Variants in THADA observed in about 807,000 individuals in gnomAD.
The protein encoded by THADA is tRNA (32-2'-O)-methyltransferase regulator THADA.
A neutral mutation model predicts 219.8 loss-of-function variants in THADA; 213 were observed. That is an observed-to-expected ratio of 0.97 (90% CI 0.87 to 1.09). The LOEUF is 1.09. Among genes scored for constraint, THADA ranks in the 50% least tolerant of loss-of-function variants. THADA has a pLI of 0.00. For missense variants in THADA, 2,956 were observed against 2,311.3 expected (o/e 1.28, Z -5.72); for synonymous variants, 1,018 against 828.9 (o/e 1.23, Z -3.92).
intron 29 of THADA, among the ~76,000 whole-genome samples, chr2:43,377,241 A>G (rs950648935): frequency 2.0e-5 from 3 of 152,164 alleles, no homozygotes; most frequent in African/African-American, 7.2e-5. Flanking sequence ...TCCTACTTGA[A>G]TAATTAATAT....
At chr2:43,504,418 C>G (rs1689397612) in intron 24 of THADA, among the ~76,000 whole-genome samples, 1 of 152,126 alleles carries the variant, frequency 6.6e-6, no homozygotes, top group African/African-American at 2.4e-5. Flanking sequence ...ATCCAATAAA[C>G]ATAAAATCCC....
At chr2:43,358,695 G>T (rs1669147285) in intron 29 of THADA, among the ~76,000 whole-genome samples, 1 of 152,182 alleles carries the variant, frequency 6.6e-6, no homozygotes, top group African/African-American at 2.4e-5. Context: ...GCCCAGTGAA[G>T]GGGTTTGAGG....
At chr2:43,547,658 C>T (rs569432028) in intron 20 of THADA, among the ~76,000 whole-genome samples, 20 of 152,310 alleles carry the variant, frequency 1.3e-4, no homozygotes, top group African/African-American at 2.6e-4. Context: ...TGGATTGCAT[C>T]GGCTCCTGAG....
At chr2:43,310,235 C>CCA (rs1677356467) in intron 31 of THADA, among the ~76,000 whole-genome samples, 1 of 126,446 alleles carries the variant, frequency 7.9e-6, no homozygotes, top group Non-Finnish European at 1.7e-5. Flanking sequence ...CGCCCCCCCC[C>CCA]CAAACAAGCT....
intron 36 of THADA, among the ~76,000 whole-genome samples, chr2:43,234,293 C>A (rs1247751166): frequency 6.6e-6 from 1 of 152,188 alleles, no homozygotes; most frequent in East Asian, 1.9e-4. Flanking sequence ...AGTGACCCTG[C>A]AGTAGGGCCA....
intron 21 of THADA, among the ~76,000 whole-genome samples, chr2:43,528,845 C>T (rs972727016): frequency 3.2e-4 from 48 of 151,566 alleles, no homozygotes; most frequent in African/African-American, 1.0e-3. Context: ...CATTGTAACC[C>T]TTTTTAAATG....
chr2:43,512,237 T>A (rs147873310), intron 22 of THADA, among the ~76,000 whole-genome samples: 27 of 152,274 alleles, frequency 1.8e-4, no homozygotes, highest in Admixed American at 4.6e-4. Context: ...AACCTTCTTA[T>A]TCTGCTCTGG....
chr2:43,286,171 G>A (rs1254413213), intron 35 of THADA, among the ~76,000 whole-genome samples: 4 of 152,142 alleles, frequency 2.6e-5, no homozygotes, highest in Non-Finnish European at 5.9e-5. Flanking sequence ...GTCAAGCAGT[G>A]GTTTGTTTAA....
At chr2:43,318,274 C>G (rs1206461066) in intron 31 of THADA, among the ~76,000 whole-genome samples, 2 of 151,952 alleles carry the variant, frequency 1.3e-5, no homozygotes, top group African/African-American at 4.8e-5. Flanking sequence ...CTTCTGGCCT[C>G]AAGCAATCCT....
At chr2:43,276,324 A>T (rs1196322559) in intron 36 of THADA, among the ~76,000 whole-genome samples, 1 of 152,152 alleles carries the variant, frequency 6.6e-6, no homozygotes, top group African/African-American at 2.4e-5. Flanking sequence ...AGTTGTTAAC[A>T]GGCTGTGAGT....
At chr2:43,251,641 C>G (rs996954379) in intron 36 of THADA, among the ~76,000 whole-genome samples, 1 of 152,206 alleles carries the variant, frequency 6.6e-6, no homozygotes, top group African/African-American at 2.4e-5. Context: ...GGAGCTGTGT[C>G]CAGCTGGGGC....
intron 30 of THADA, among the ~76,000 whole-genome samples, chr2:43,321,011 C>A (rs1191356464): frequency 2.0e-5 from 3 of 152,104 alleles, no homozygotes; most frequent in African/African-American, 7.2e-5. Context: ...TTGAAATAAC[C>A]AGCTGAACAA....
chr2:43,528,043 AT>A, intron 21 of THADA, 55 bp from the exon 22 acceptor site: 1 of 1,272,442 alleles, frequency 7.9e-7, no homozygotes. Flanking sequence ...TCGCAAGTGT[AT>A]TTATATCAGT....
At chr2:43,484,666 C>CA (rs1360911609) in intron 26 of THADA, among the ~76,000 whole-genome samples, 1 of 151,852 alleles carries the variant, frequency 6.6e-6, no homozygotes, top group Admixed American at 6.6e-5. Flanking sequence ...TCAGGCATAA[C>CA]AAAAAAGCTG....
chr2:43,419,430 G>C (rs1441092303), intron 28 of THADA, among the ~76,000 whole-genome samples: 1 of 152,216 alleles, frequency 6.6e-6, no homozygotes, highest in Non-Finnish European at 1.5e-5. Context: ...ATTAGAAATA[G>C]ACGGTGGGGG....
rs1228108356 is a variant in THADA at position 43,231,162 on chromosome 2, G to A, written c.5648C>T (p.Ser1883Phe). Residue 1883 changes from serine to phenylalanine, a missense_variant, in exon 38 of 38, where the codon TCT becomes TTT. Ser to Phe is a radical substitution (Grantham distance 155, BLOSUM62 -2). Coordinates refer to ENST00000405975, the MANE Select transcript of THADA (RefSeq NM_022065.5). ...RMVSEQCHLL[S>F]QFFRELPPAA... is the part of the protein sequence containing the mutation. The stretch of plus-strand genomic sequence containing the variant: ...TGGTGGAAGCTCTCTGAAGAACTGA[G>A]ACAGGAGGTGGCACTGCTCTGACAC... 1 of 1,613,884 alleles carries A rather than the reference G, an allele frequency of 6.2e-7. No homozygotes were observed. Among genetic ancestry groups the A allele is most frequent in the Non-Finnish European group, 8.5e-7 (1 of 1,179,816 alleles).
intron 22 of THADA, among the ~76,000 whole-genome samples, chr2:43,519,544 T>C (rs1388751282): frequency 6.6e-6 from 1 of 152,196 alleles, no homozygotes; most frequent in Non-Finnish European, 1.5e-5. Flanking sequence ...CAATCCTTAG[T>C]CCCTTATTCA....
At chr2:43,239,343 C>T (rs1481184282) in intron 36 of THADA, among the ~76,000 whole-genome samples, 1 of 152,226 alleles carries the variant, frequency 6.6e-6, no homozygotes, top group Admixed American at 6.5e-5. Context: ...TCTGCCTCCA[C>T]GATGAGCGCC....
At chr2:43,591,785 T>A (rs566955243) in intron 3 of THADA, among the ~76,000 whole-genome samples, 167 bp downstream of exon 3, 6 of 151,354 alleles carry the variant, frequency 4.0e-5, no homozygotes, top group African/African-American at 1.5e-4. Flanking sequence ...TATTGCTGCT[T>A]TGAATACAAG....
Sources: allele counts gnomAD v4.1 joint callset (sites outside exome capture counted in the v4.1 genomes callset), GRCh38; gene constraint gnomAD v4.1.1; transcripts MANE v1.5; gene names NCBI Gene and HGNC (gene_info 2026-07-23, HGNC 2026-07-21).